Variants in FBN1 observed in about 807,000 individuals in gnomAD.
The protein encoded by FBN1 is fibrillin-1.
In FBN1, 29 loss-of-function variants were observed where a neutral mutation model predicts 365.1. The observed-to-expected ratio is 0.08, with a 90% CI of 0.06 to 0.11. The LOEUF (loss-of-function observed/expected upper bound fraction) is 0.11, where lower values mean the gene tolerates loss of function less well. FBN1 is among the 10% of genes least tolerant of loss of function. The pLI is 1.00. For missense variants in FBN1, 2,476 were observed against 3,703.2 expected (o/e 0.67, Z 8.60); for synonymous variants, 1,210 against 1,270.5 (o/e 0.95, Z 1.01).
In FBN1 at chr15:48,598,202, C is replaced by A. The variant is rs138453135; in HGVS notation, c.443-1824G>T. On this transcript the variant is annotated intron_variant, in intron 5 of 65. Coordinates refer to ENST00000316623, the MANE Select transcript of FBN1 (RefSeq NM_000138.5). ...GGAGTCAGACTGCTTGGGTTCCAAC[C>A]CCAACTCTGCCGATTACCATCTATA... is the stretch of plus-strand genomic sequence containing the variant. Among the ~76,000 whole-genome samples the A allele has an allele frequency of 2.1e-3, 315 of 152,286 alleles. 1 individual carries two copies. Among genetic ancestry groups the A allele is most frequent in the Middle Eastern group, 0.01 (3 of 294 alleles).
At chr15:48,412,940 A>C (rs900485648) in intron 64 of FBN1, among the ~76,000 whole-genome samples, 197 bp from the exon 65 acceptor site, 1 of 152,086 alleles carries the variant, frequency 6.6e-6, no homozygotes, top group Admixed American at 6.5e-5. Context: ...GAATGTATTG[A>C]TTTCCTTCTA....
In FBN1 at chr15:48,526,169, G is replaced by A. The variant is rs764470069; in HGVS notation, c.949C>T (p.Pro317Ser). 1 of 1,614,014 alleles carries A rather than the reference G, an allele frequency of 6.2e-7. No homozygotes were observed. The highest frequency in any genetic ancestry group is 8.5e-7 in the Non-Finnish European group (1 of 1,179,976). ...CCATCTGGAGAGGTGTAAAAACCAG[G>A]GGGACATTTGCAAAAGTAACTGCTG... ...TVSSYFCKCPPGFYTSPDGTR... is the reference protein window; with the variant it reads ...TVSSYFCKCPSGFYTSPDGTR... The change falls in exon 9 of 66, where the codon CCT becomes TCT. Residue 317 changes from proline to serine, a missense_variant. Pro to Ser is a moderately conservative substitution (Grantham distance 74, BLOSUM62 -1). Transcript: ENST00000316623.
chr15:48,511,944 A>G (rs1405534025), intron 13 of FBN1, among the ~76,000 whole-genome samples: 2 of 152,158 alleles, frequency 1.3e-5, no homozygotes, highest in Non-Finnish European at 2.9e-5. Flanking sequence ...TTATTGCAAA[A>G]TGCCTAGTAT....
intron 61 of FBN1, 40 bp from the exon 62 acceptor site, chr15:48,421,726 C>A (rs1238867189): frequency 6.2e-6 from 10 of 1,604,330 alleles, no homozygotes; most frequent in Admixed American, 1.7e-5. Flanking sequence ...TTAAAATTCC[C>A]CAAAGCTCTC....
chr15:48,440,518 T>C (rs1033321276), intron 50 of FBN1, among the ~76,000 whole-genome samples: 69 of 152,296 alleles, frequency 4.5e-4, no homozygotes, highest in African/African-American at 1.6e-3. Context: ...ATGCAGAATA[T>C]CTGTTCGAAT....
intron 6 of FBN1, among the ~76,000 whole-genome samples, chr15:48,587,246 T>C (rs1566932854): frequency 6.6e-6 from 1 of 151,950 alleles, no homozygotes; most frequent in Non-Finnish European, 1.5e-5. Flanking sequence ...TTAAGTGTTC[T>C]GAAGTACTCT....
At chr15:48,426,637 C>T (rs369364726) in intron 58 of FBN1, among the ~76,000 whole-genome samples, 1 of 152,126 alleles carries the variant, frequency 6.6e-6, no homozygotes, top group African/African-American at 2.4e-5. Flanking sequence ...GGGTTCTCAG[C>T]CCTTGACTGC....
chr15:48,436,353 CACAG>C lies in FBN1; in HGVS notation c.6496+604_6496+607del, dbSNP rs144008696. ...TATGGAAAAAGTACTTTCTAATTCACACAGACAAACTCTCAGCATTTATGCTAGT... is the reference window on the plus strand; with the variant it reads ...TATGGAAAAAGTACTTTCTAATTCACACAAACTCTCAGCATTTATGCTAGT... On this transcript the variant is annotated intron_variant, in intron 53 of 65. Transcript: ENST00000316623. Among the ~76,000 whole-genome samples, 1,055 of 152,294 alleles carry C rather than the reference CACAG, an allele frequency of 6.9e-3. 13 individuals carry two copies. The highest frequency in any genetic ancestry group is 0.025 in the African/African-American group (1,030 of 41,560).
chr15:48,510,491 T>C (rs796310156), intron 13 of FBN1, among the ~76,000 whole-genome samples: 17 of 152,310 alleles, frequency 1.1e-4, no homozygotes, highest in African/African-American at 4.1e-4. Context: ...TAAATCACTA[T>C]TTATACTGAA....
At chr15:48,558,196 T>C (rs1209529536) in intron 6 of FBN1, among the ~76,000 whole-genome samples, 1 of 152,216 alleles carries the variant, frequency 6.6e-6, no homozygotes, top group African/African-American at 2.4e-5. Flanking sequence ...GCACACACCT[T>C]TGTTTCCTTC....
intron 6 of FBN1, among the ~76,000 whole-genome samples, chr15:48,553,199 T>A (rs1013035006): frequency 6.6e-6 from 1 of 152,200 alleles, no homozygotes; most frequent in Non-Finnish European, 1.5e-5. Flanking sequence ...ATATTTTGAA[T>A]GTGATATGCC....
intron 2 of FBN1, among the ~76,000 whole-genome samples, chr15:48,636,599 A>G (rs557641598): frequency 6.6e-6 from 1 of 152,256 alleles, no homozygotes; most frequent in African/African-American, 2.4e-5. Flanking sequence ...CATGAGAGAC[A>G]GCTTTAAAAC....
chr15:48,489,917 C>T lies in FBN1; in HGVS notation c.3016G>A (p.Glu1006Lys), dbSNP rs754040534. 2.4e-5 allele frequency: 38 copies of T among 1,614,044 alleles called. 1 individual carries two copies. In the South Asian group the frequency reaches 4.1e-4, roughly 17 times the overall value. ...AATCCGGGTCCTCTCGGACACAGCT[C>T]CTCGTACTCAGGAGTATTTCTCATG... The part of the protein sequence containing the change: ...CPMRNTPEYE[E>K]LCPRGPGFAT... Residue 1006 changes from glutamate to lysine, a missense_variant, in exon 25 of 66, where the codon GAG becomes AAG. Transcript: ENST00000316623.
At chr15:48,448,624 T>C (rs1230045904) in intron 46 of FBN1, 144 bp downstream of exon 46, 4 of 693,394 alleles carry the variant, frequency 5.8e-6, no homozygotes, top group Non-Finnish European at 2.4e-6. Context: ...AAATAGGATA[T>C]CACTGCTGCA....
At position 48,465,878 on chromosome 15, in the gene FBN1, A is replaced by G. The variant is rs1850525857; in HGVS notation, c.4748-20T>C. ...ACTCGGCTATTGAAACAAAAATTCA[A>G]ATTGAGTTGTTTTGAATCTAAAGTT... On this transcript the variant is annotated intron_variant, in intron 38 of 65. Coordinates refer to ENST00000316623, the MANE Select transcript of FBN1 (RefSeq NM_000138.5). 1 of 1,578,052 alleles carries G rather than the reference A, an allele frequency of 6.3e-7. No homozygotes were observed. The highest frequency in any genetic ancestry group is 8.7e-7 in the Non-Finnish European group (1 of 1,147,772).
intron 60 of FBN1, among the ~76,000 whole-genome samples, chr15:48,422,525 A>G (rs1205479201): frequency 1.3e-5 from 2 of 152,222 alleles, no homozygotes; most frequent in African/African-American, 2.4e-5. Flanking sequence ...GCTGTTTTTA[A>G]TCTACTCAAA....
At chr15:48,464,864 G>A (rs1223046202) in intron 40 of FBN1, among the ~76,000 whole-genome samples, 1 of 152,164 alleles carries the variant, frequency 6.6e-6, no homozygotes, top group Non-Finnish European at 1.5e-5. Flanking sequence ...ATGGGTCTTA[G>A]AGCTGTGCCA....
rs995277960 is a variant in FBN1, at chr15:48,411,379, C to T, written c.8227G>A (p.Asp2743Asn). Residue 2743 changes from aspartate to asparagine, a missense_variant and splice_region_variant, in exon 66 of 66, where the codon GAT becomes AAT. By Grantham distance (23) the Asp-to-Asn change is conservative. Around this residue, in one of 5 missense-constraint regions of FBN1, gnomAD observed 177 missense variants for 192.7 expected, o/e 0.92. Transcript: ENST00000316623. ...ACATTGGCTTCTGTCTCAGACTGAT[C>T]CTGGAAAGACACATGGCAATATGTT... Reference protein sequence around the residue: ...TNETDASNIEDQSETEANVSL... With the variant: ...TNETDASNIENQSETEANVSL... The T allele has an allele frequency of 5.6e-6, 9 of 1,613,622 alleles. No homozygotes were observed. In the South Asian group the frequency reaches 6.6e-5, roughly 12 times the overall value.
intron 41 of FBN1, among the ~76,000 whole-genome samples, 175 bp downstream of exon 41, chr15:48,463,724 G>A (rs987975692): frequency 4.6e-5 from 7 of 152,180 alleles, no homozygotes; most frequent in Admixed American, 3.9e-4. Flanking sequence ...CACCCGTGGT[G>A]GTGAAAAAAT....
Sources: allele counts gnomAD v4.1 joint callset (sites outside exome capture counted in the v4.1 genomes callset), GRCh38; gene constraint gnomAD v4.1.1; regional missense constraint gnomAD v4.1.1; transcripts MANE v1.5; gene names NCBI Gene and HGNC (gene_info 2026-07-23, HGNC 2026-07-21).